Variants in AGAP3 observed in about 807,000 individuals in gnomAD.
AGAP3 encodes the protein arf-GAP with GTPase, ANK repeat and PH domain-containing protein 3.
In AGAP3, 24 loss-of-function variants were observed where a neutral mutation model predicts 96.9. That is an observed-to-expected ratio of 0.25 (90% CI 0.18 to 0.35). AGAP3 has a LOEUF of 0.35. AGAP3 is among the 10% of genes least tolerant of loss of function. AGAP3 has a pLI of 1.00. For missense variants in AGAP3, 876 were observed against 1,254.2 expected (o/e 0.70, Z 4.55); for synonymous variants, 563 against 536.1 (o/e 1.05, Z -0.69).
intron 1 of AGAP3, chr7:151,087,277 G>C (rs774398637): frequency 6.0e-5 from 37 of 613,608 alleles, no homozygotes; most frequent in Non-Finnish European, 8.9e-5. Flanking sequence ...TGGGGTTGGG[G>C]GTTTTCTGCT....
At position 151,143,282 on chromosome 7, in the gene AGAP3, C is replaced by A. The variant is rs1800892250; in HGVS notation, c.2274-59C>A. 1 of 1,550,796 alleles carries A rather than the reference C, an allele frequency of 6.4e-7. No homozygotes were observed. The highest frequency in any genetic ancestry group is 8.7e-7 in the Non-Finnish European group (1 of 1,146,620). ...CTTCCTTTCCTGCCCACCTTCCTGG[C>A]CCCACCCGTTGCTCGGTGACCTTCC... is the stretch of plus-strand genomic sequence containing the variant. On this transcript the variant is annotated intron_variant, in intron 16 of 17. Transcript: ENST00000397238. This position sits in a 1 kb window ranked among gnomAD's most constrained non-coding sequence, Gnocchi z 5.9.
chr7:151,107,359 C>T (rs1176766761), intron 1 of AGAP3, among the ~76,000 whole-genome samples: 2 of 150,034 alleles, frequency 1.3e-5, no homozygotes, highest in South Asian at 2.1e-4. Context: ...CACGATGGCT[C>T]ATGCCTGTAA....
rs1195281422 is a variant in AGAP3 at position 151,118,223 on chromosome 7, T to C, written c.720T>C (p.Ala240=). The C allele has an allele frequency of 1.1e-5, 18 of 1,610,876 alleles. No individual in the cohort carries two copies. Among genetic ancestry groups the C allele is most frequent in the Non-Finnish European group, 1.5e-5 (18 of 1,177,482 alleles). The change falls in exon 6 of 18, where the codon GCT becomes GCC. Residue 240 remains alanine, a synonymous_variant. Coordinates refer to ENST00000397238, the MANE Select transcript of AGAP3 (RefSeq NM_031946.7). The surrounding 1 kb of genome is among the most constrained non-coding windows in gnomAD (Gnocchi z 6.1). ...VLVGTQDAIS[A]ANPRVIDDSR... ...CACCTCCAACAGATGCCATCAGCGCTGCGAATCCCCGGGTTATCGACGACA... is the reference window on the plus strand; with the variant it reads ...CACCTCCAACAGATGCCATCAGCGCCGCGAATCCCCGGGTTATCGACGACA...
At chr7:151,128,228 G>A (rs2288652) in intron 9 of AGAP3, 84,454 of 244,806 alleles carry the variant, frequency 0.34, 15,306 homozygotes, top group Admixed American at 0.45. Flanking sequence ...ACTCCTGGCC[G>A]TCTATACCCC....
At chr7:151,134,248 TCGGA>T in intron 10 of AGAP3, 148 bp from the exon 11 acceptor site, 1 of 562,366 alleles carries the variant, frequency 1.8e-6, no homozygotes, top group Non-Finnish European at 2.6e-6. Context: ...GAATCCAGAC[TCGGA>T]GACATTCTGT....
intron 10 of AGAP3, among the ~76,000 whole-genome samples, chr7:151,132,696 C>T (rs888598115): frequency 2.6e-5 from 4 of 152,330 alleles, no homozygotes; most frequent in Non-Finnish European, 4.4e-5. Context: ...CTGTGGGTGA[C>T]GTCCAGCCCA....
chr7:151,095,275 T>C (rs1585037605), intron 1 of AGAP3, among the ~76,000 whole-genome samples: 1 of 152,256 alleles, frequency 6.6e-6, no homozygotes, highest in African/African-American at 2.4e-5. Flanking sequence ...CAATGTGCCC[T>C]GAGCTGAGCA....
rs1481207686 is a variant in AGAP3 at position 151,114,980 on chromosome 7, C to G, written c.332-1813C>G. 3 of 982,868 alleles carry G rather than the reference C, an allele frequency of 3.1e-6. No homozygotes were observed. The highest frequency in any genetic ancestry group is 3.6e-6 in the Non-Finnish European group (3 of 830,220). 60.9% of individuals were successfully genotyped at this position (982,868 alleles called of 1,614,324 possible). On this transcript the variant is annotated intron_variant, in intron 1 of 17. Coordinates refer to ENST00000397238, the MANE Select transcript of AGAP3 (RefSeq NM_031946.7). This position sits in a 1 kb window ranked among gnomAD's most constrained non-coding sequence, Gnocchi z 4.4. The stretch of plus-strand genomic sequence containing the variant: ...CGGGCGGCCCGGAGCCGCCGCCCAC[C>G]GGCGCCCGCGGCCTTTTGCTCGGCC...
chr7:151,098,074 T>C (rs1294614370), intron 1 of AGAP3, among the ~76,000 whole-genome samples: 1 of 152,048 alleles, frequency 6.6e-6, no homozygotes, highest in Non-Finnish European at 1.5e-5. Context: ...AGATAACAAA[T>C]GGGACCAAGC....
chr7:151,137,879 T>C, intron 11 of AGAP3: 1 of 505,288 alleles, frequency 2.0e-6, no homozygotes, highest in South Asian at 2.9e-5. Flanking sequence ...AGATCTCTGA[T>C]GCAGAGACCC....
At chr7:151,132,191 T>G (rs750149124) in intron 10 of AGAP3, among the ~76,000 whole-genome samples, 4 of 152,180 alleles carry the variant, frequency 2.6e-5, no homozygotes, top group Non-Finnish European at 5.9e-5. Flanking sequence ...CTCCTGGGTC[T>G]GCTTCCTTCC....
chr7:151,124,516 G>A (rs935997338), intron 9 of AGAP3, among the ~76,000 whole-genome samples: 1 of 152,210 alleles, frequency 6.6e-6, no homozygotes, highest in African/African-American at 2.4e-5. Flanking sequence ...TTGGTGTGTG[G>A]GCAAGAGCCT....
In AGAP3 at chr7:151,142,321, G is replaced by A. The variant is rs1800848496; in HGVS notation, c.2050+68G>A. 4.4e-6 allele frequency: 7 copies of A among 1,599,206 alleles called. No individual in the cohort carries two copies. The highest frequency in any genetic ancestry group is 6.0e-6 in the Non-Finnish European group (7 of 1,170,200). ...GGGAAAGCTTCGCAAGCATCAGGGA[G>A]CAGGGAAGAGGGCAGGGAAGCCTTC... On this transcript the variant is annotated intron_variant, in intron 15 of 17. Coordinates refer to ENST00000397238, the MANE Select transcript of AGAP3 (RefSeq NM_031946.7). This position sits in a 1 kb window ranked among gnomAD's most constrained non-coding sequence, Gnocchi z 7.5.
At chr7:151,116,508 C>T (rs58375709) in intron 1 of AGAP3, 19 of 505,258 alleles carry the variant, frequency 3.8e-5, no homozygotes, top group Non-Finnish European at 6.0e-5. Context: ...GACAATAAAC[C>T]TGCTGGAGCA....
chr7:151,089,011 G>A (rs182876423), intron 1 of AGAP3, among the ~76,000 whole-genome samples: 44 of 152,058 alleles, frequency 2.9e-4, no homozygotes, highest in South Asian at 2.1e-4. Context: ...TCACACATCC[G>A]TTCTCAGCCC....
At chr7:151,137,935 G>T in intron 11 of AGAP3, 1 of 576,994 alleles carries the variant, frequency 1.7e-6, no homozygotes. Context: ...GCTGTGGACC[G>T]TGAAGATCTG....
At chr7:151,117,925 T>G in intron 5 of AGAP3, 148 bp downstream of exon 5, 1 of 1,202,572 alleles carries the variant, frequency 8.3e-7, no homozygotes, top group Non-Finnish European at 1.1e-6. Context: ...TCCGTGCTGC[T>G]CGTGTCTGAG....
At chr7:151,086,260 A>T (rs1196956352), upstream of AGAP3, among the ~76,000 whole-genome samples, 1 of 140,760 alleles carries the variant, frequency 7.1e-6, no homozygotes, top group Non-Finnish European at 1.5e-5. Flanking sequence ...GCTGAGTGGG[A>T]GGGGCCGGGG....
intron 1 of AGAP3, among the ~76,000 whole-genome samples, chr7:151,089,461 G>A (rs1285985396): frequency 2.0e-5 from 3 of 151,626 alleles, no homozygotes; most frequent in Non-Finnish European, 4.4e-5. Context: ...CGGTGGAAAG[G>A]GGCGGCAGTT....
Sources: gnomAD v4.1 joint callset for allele counts (sites outside exome capture counted in the v4.1 genomes callset) on GRCh38, gnomAD v4.1.1 for gene constraint, Gnocchi (gnomAD v3.1) non-coding constraint, MANE v1.5 for transcripts, NCBI Gene and HGNC (gene_info 2026-07-23, HGNC 2026-07-21) for gene names.